Variants in SORCS1 observed in about 807,000 individuals in gnomAD.
The protein encoded by SORCS1 is VPS10 domain-containing receptor SorCS1.
A neutral mutation model predicts 146.1 loss-of-function variants in SORCS1; 60 were observed. The observed-to-expected ratio is 0.41, with a 90% CI of 0.33 to 0.51. SORCS1 has a LOEUF of 0.51. SORCS1 is among the 20% of genes least tolerant of loss of function. The pLI is 0.21. For missense variants in SORCS1, 1,352 were observed against 1,487.6 expected, an observed-to-expected ratio of 0.91 and a Z score of 1.50; for synonymous variants, 637 against 584.0, an observed-to-expected ratio of 1.09 and a Z score of -1.31.
rs756991314 is a variant in SORCS1 at position 106,629,220 on chromosome 10, G to A, written c.2644C>T (p.Leu882=). Residue 882 remains leucine, a synonymous_variant, in exon 19 of 26, where the codon CTG becomes TTG. Coordinates refer to ENST00000263054, the MANE Select transcript of SORCS1 (RefSeq NM_052918.5). ...AACATACAAGTTACATGTAAGTACA[G>A]GACGGCGCTGTCAGAACCCAGACTG... ...DNSLGSDSAV[L]YLHVTCPLEH... The A allele has an allele frequency of 6.2e-7, 1 of 1,613,906 alleles. No homozygotes were observed. Among genetic ancestry groups the A allele is most frequent in the Non-Finnish European group, 8.5e-7 (1 of 1,179,872 alleles).
intron 5 of SORCS1, among the ~76,000 whole-genome samples, chr10:106,746,595 T>C (rs755537964): frequency 1.2e-4 from 18 of 152,204 alleles, no homozygotes; most frequent in Non-Finnish European, 1.9e-4. Context: ...ACTTCATTTT[T>C]CAAAAAAGTG....
chr10:106,844,038 C>T (rs546382652), intron 2 of SORCS1, among the ~76,000 whole-genome samples: 122 of 152,298 alleles, frequency 8.0e-4, no homozygotes, highest in African/African-American at 2.9e-3. Context: ...TCCCTTTGCT[C>T]CACATCACTT....
At chr10:106,710,918 G>A (rs771945273) in intron 6 of SORCS1, among the ~76,000 whole-genome samples, 4 of 152,132 alleles carry the variant, frequency 2.6e-5, no homozygotes, top group African/African-American at 4.8e-5. Context: ...CTCAAAGCAC[G>A]TTCTAGATTT....
At chr10:107,112,086 G>A (rs1965735350) in intron 1 of SORCS1, among the ~76,000 whole-genome samples, 1 of 151,980 alleles carries the variant, frequency 6.6e-6, no homozygotes, top group African/African-American at 2.4e-5. Context: ...TAAGTATGTA[G>A]TCAAATTCGG....
chr10:107,171,467 T>C, the SORCS1 span, among the ~76,000 whole-genome samples: 16 of 151,010 alleles, frequency 1.1e-4, 1 homozygote, highest in Admixed American at 9.9e-4. Context: ...TGAATTATTC[T>C]TTGCAGCTTG....
chr10:106,754,091 C>A (rs563471085), intron 5 of SORCS1, among the ~76,000 whole-genome samples: 2 of 152,326 alleles, frequency 1.3e-5, no homozygotes, highest in East Asian at 3.9e-4. Context: ...CTTAGTCTCT[C>A]CTGGGGCATC....
chr10:106,776,749 C>A, intron 3 of SORCS1, 57 bp from the exon 4 acceptor site: 1 of 1,573,644 alleles, frequency 6.4e-7, no homozygotes, highest in South Asian at 1.2e-5. Flanking sequence ...TACAAATTTG[C>A]AAAACTTGAA....
At chr10:106,926,650 A>G (rs756753042) in intron 2 of SORCS1, among the ~76,000 whole-genome samples, 29 of 152,212 alleles carry the variant, frequency 1.9e-4, no homozygotes, top group Admixed American at 3.9e-4. Flanking sequence ...TAAACAAACT[A>G]GAGTATAAAG....
Position 106,706,446 on chromosome 10 carries a change from T to C in SORCS1, c.1233+99A>G, listed in dbSNP as rs12265157. ...AGAGATGAGAGATGTAAAGAAAACATGACTATGAGAGGCTGAAAGAGTCCT... is the reference window on the plus strand; with the variant it reads ...AGAGATGAGAGATGTAAAGAAAACACGACTATGAGAGGCTGAAAGAGTCCT... On this transcript the variant is annotated intron_variant, in intron 8 of 25. Coordinates refer to ENST00000263054, the MANE Select transcript of SORCS1 (RefSeq NM_052918.5). 5,317 of 1,159,804 alleles carry C rather than the reference T, an allele frequency of 4.6e-3. 81 individuals are homozygous for C. The highest frequency in any genetic ancestry group is 0.041 in the African/African-American group (2,717 of 65,506). 71.8% of individuals were successfully genotyped at this position (1,159,804 alleles called of 1,614,324 possible). A position where few individuals can be genotyped will look rare whatever the true frequency, so the allele number is the denominator to read the frequency against.
intron 3 of SORCS1, among the ~76,000 whole-genome samples, chr10:106,808,719 T>A (rs113078303): frequency 2.6e-5 from 4 of 152,024 alleles, no homozygotes; most frequent in Non-Finnish European, 4.4e-5. Context: ...AGCCAGGATG[T>A]TCTCCACCTC....
chr10:107,006,974 C>G (rs571924011), intron 1 of SORCS1, among the ~76,000 whole-genome samples: 18 of 152,130 alleles, frequency 1.2e-4, no homozygotes, highest in African/African-American at 4.3e-4. Flanking sequence ...ATTCCAGAGA[C>G]GAAGTGTTAA....
At chr10:106,656,194 T>C (rs551313988) in intron 17 of SORCS1, among the ~76,000 whole-genome samples, 1 of 152,302 alleles carries the variant, frequency 6.6e-6, no homozygotes, top group Non-Finnish European at 1.5e-5. Context: ...TTCTGTCACA[T>C]TTTCCTTTTT....
At chr10:107,021,479 A>G (rs1195495188) in intron 1 of SORCS1, among the ~76,000 whole-genome samples, 2 of 127,124 alleles carry the variant, frequency 1.6e-5, no homozygotes, top group Non-Finnish European at 3.1e-5. Context: ...TCGCCACTGC[A>G]CTCCAGTCTA....
intron 7 of SORCS1, among the ~76,000 whole-genome samples, chr10:106,707,967 G>A (rs1210109262): frequency 6.6e-6 from 1 of 152,210 alleles, no homozygotes; most frequent in Non-Finnish European, 1.5e-5. Flanking sequence ...GTGGCCAGAT[G>A]ACCTCTTAGG....
chr10:106,735,763 G>T (rs1564912646), intron 5 of SORCS1, among the ~76,000 whole-genome samples: 1 of 152,156 alleles, frequency 6.6e-6, no homozygotes, highest in African/African-American at 2.4e-5. Context: ...CTCAGGTTTT[G>T]TATTTGATCC....
intron 17 of SORCS1, among the ~76,000 whole-genome samples, chr10:106,660,307 G>A (rs1215428085): frequency 2.0e-5 from 3 of 152,162 alleles, no homozygotes; most frequent in African/African-American, 4.8e-5. Context: ...ATAAGGTACA[G>A]TGTGATGTTT....
At chr10:106,840,401 T>C (rs1430357410) in intron 2 of SORCS1, among the ~76,000 whole-genome samples, 3 of 152,122 alleles carry the variant, frequency 2.0e-5, no homozygotes, top group East Asian at 1.9e-4. Context: ...AGCTTGAAGA[T>C]GTGAGTGAAT....
intron 1 of SORCS1, among the ~76,000 whole-genome samples, chr10:106,962,684 C>T (rs532733160): frequency 1.3e-5 from 2 of 152,280 alleles, no homozygotes; most frequent in African/African-American, 4.8e-5. Flanking sequence ...CTCTCAACCA[C>T]TAGTGATTCA....
At chr10:107,010,082 A>C (rs560504104) in intron 1 of SORCS1, among the ~76,000 whole-genome samples, 7 of 152,342 alleles carry the variant, frequency 4.6e-5, no homozygotes, top group Non-Finnish European at 8.8e-5. Flanking sequence ...TCACTGCATC[A>C]AACGTATTTC....
Sources: allele counts gnomAD v4.1 joint callset (sites outside exome capture counted in the v4.1 genomes callset), GRCh38; gene constraint gnomAD v4.1.1; transcripts MANE v1.5; gene names NCBI Gene and HGNC (gene_info 2026-07-23, HGNC 2026-07-21).